BICRAL: variants seen among roughly 807,000 people sequenced by gnomAD.
BICRAL encodes BRD4-interacting chromatin-remodeling complex-associated protein-like.
A neutral mutation model predicts 91.8 loss-of-function variants in BICRAL; 8 were observed. That is an observed-to-expected ratio of 0.09 (90% confidence interval 0.05 to 0.16). BICRAL has a LOEUF of 0.16. Ranked by LOEUF, BICRAL falls within the 10% of genes least tolerant of loss-of-function variation. BICRAL has a pLI of 1.00. For missense variants in BICRAL, 1,038 were observed against 1,310.9 expected (o/e 0.79, Z 3.21); for synonymous variants, 445 against 491.1 (o/e 0.91, Z 1.24).
chr6:42,845,175 C>CTGTTTTT (rs1764958445), intron 6 of BICRAL, among the ~76,000 whole-genome samples: 1 of 78,956 alleles, frequency 1.3e-5, no homozygotes, highest in Non-Finnish European at 2.4e-5. Flanking sequence ...GCTGCCTTCT[C>CTGTTTTT]TGTTTTTTGT....
rs1232245289 is a variant in BICRAL at position 42,806,001 on chromosome 6, CA to C, written c.-101-4293del. On this transcript the variant is annotated intron_variant, in intron 1 of 12. Transcript: ENST00000314073. ...TGGGTGACAGAGTGAGACTCCATCT[CA>C]AAAAAAAAAAACGAAGGAAGAAGTA... is the stretch of plus-strand genomic sequence containing the variant. 1.7e-3 allele frequency among the ~76,000 whole-genome samples: 156 copies of C among 91,472 alleles called. 1 individual carries two copies. The highest frequency in any genetic ancestry group is 4.7e-3 in the Admixed American group (46 of 9,832). 60.0% of individuals were successfully genotyped at this position (91,472 alleles called of 152,430 possible).
chr6:42,796,403 A>G (rs1763414568), intron 1 of BICRAL, among the ~76,000 whole-genome samples: 1 of 152,178 alleles, frequency 6.6e-6, no homozygotes, highest in Non-Finnish European at 1.5e-5. Flanking sequence ...GGGCGTGGCA[A>G]GGTAGCAAGG....
At chr6:42,788,222 C>CT (rs11304715) in intron 1 of BICRAL, among the ~76,000 whole-genome samples, 37,501 of 113,318 alleles carry the variant, frequency 0.33, 6,606 homozygotes, top group South Asian at 0.46. Flanking sequence ...GAGCAGCATT[C>CT]TTTTTTTTTT....
intron 1 of BICRAL, among the ~76,000 whole-genome samples, chr6:42,800,794 T>C (rs1763545149): frequency 1.3e-5 from 2 of 152,338 alleles, no homozygotes; most frequent in South Asian, 4.1e-4. Flanking sequence ...ATTGACTTTG[T>C]AAAATGGAAT....
chr6:42,775,081 T>C (rs972145597), intron 1 of BICRAL, among the ~76,000 whole-genome samples: 2 of 152,076 alleles, frequency 1.3e-5, no homozygotes, highest in African/African-American at 4.8e-5. Context: ...TACAGGTGCA[T>C]GCCACCACAC....
At chr6:42,853,959 A>C (rs1765270369) in intron 8 of BICRAL, among the ~76,000 whole-genome samples, 1 of 152,316 alleles carries the variant, frequency 6.6e-6, no homozygotes, top group East Asian at 1.9e-4. Flanking sequence ...ACATGTTTAC[A>C]GTGCTTCATT....
intron 8 of BICRAL, 30 bp from the exon 9 acceptor site, chr6:42,855,826 G>T: frequency 6.4e-7 from 1 of 1,572,092 alleles, no homozygotes; most frequent in South Asian, 1.1e-5. Flanking sequence ...TCTATAAAAG[G>T]GAATAATAAG....
intron 1 of BICRAL, among the ~76,000 whole-genome samples, chr6:42,759,019 ATC>A (rs1237488990): frequency 2.0e-5 from 3 of 152,232 alleles, no homozygotes; most frequent in Non-Finnish European, 2.9e-5. Flanking sequence ...GCTCATTGAT[ATC>A]TCGTGGAGGC....
chr6:42,832,385 ATG>A (rs1418142620), intron 6 of BICRAL, among the ~76,000 whole-genome samples: 1 of 146,634 alleles, frequency 6.8e-6, no homozygotes, highest in Non-Finnish European at 1.5e-5. Context: ...ATATGTATGT[ATG>A]TATATATATA....
chr6:42,860,669 A>G (rs1351489943), intron 11 of BICRAL, among the ~76,000 whole-genome samples: 1 of 152,240 alleles, frequency 6.6e-6, no homozygotes, highest in African/African-American at 2.4e-5. Flanking sequence ...AGCCAGGATC[A>G]TCTGACCCCT....
At chr6:42,781,853 T>A (rs1762918588), upstream of BICRAL, 1 of 148,354 alleles carries the variant, frequency 6.7e-6, no homozygotes, top group African/African-American at 2.4e-5. Flanking sequence ...GAACCGAAGT[T>A]TGGAGGTAGA....
chr6:42,836,942 A>G (rs1764654735), intron 6 of BICRAL, among the ~76,000 whole-genome samples: 1 of 135,982 alleles, frequency 7.4e-6, no homozygotes, highest in Non-Finnish European at 1.6e-5. Flanking sequence ...TCTATGTAAT[A>G]TTTCTTTTCT....
At chr6:42,859,325 AAGGTTGCAGT>A (rs1474264328) in intron 10 of BICRAL, among the ~76,000 whole-genome samples, 1 of 151,476 alleles carries the variant, frequency 6.6e-6, no homozygotes, top group Non-Finnish European at 1.5e-5. Context: ...CCGGGAGGAG[AAGGTTGCAGT>A]GAGCTGAGAT....
At chr6:42,849,590 C>T (rs1415530694) in intron 6 of BICRAL, among the ~76,000 whole-genome samples, 1 of 151,892 alleles carries the variant, frequency 6.6e-6, no homozygotes, top group South Asian at 2.1e-4. Context: ...TAGGTGCCCA[C>T]CACCACGCCC....
Position 42,829,370 on chromosome 6 carries a change from C to T in BICRAL, c.1037C>T (p.Ser346Phe). The T allele has an allele frequency of 6.2e-7, 1 of 1,614,220 alleles. No homozygotes were observed. The highest frequency in any genetic ancestry group is 8.5e-7 in the Non-Finnish European group (1 of 1,180,040). Reference sequence around the variant, plus strand: ...GTACAACAAGGGATCTCTTTTGCTTCTGCAAGCTCACCCCAGGGCTCAGTA... The same window carrying T: ...GTACAACAAGGGATCTCTTTTGCTTTTGCAAGCTCACCCCAGGGCTCAGTA... The part of the protein sequence containing the change: ...HHVQQGISFA[S>F]ASSPQGSVVG... Residue 346 changes from serine to phenylalanine, a missense_variant, in exon 6 of 13, where the codon TCT (serine) becomes TTT (phenylalanine). Ser to Phe is a radical substitution (Grantham distance 155). Around this residue, in one of 5 missense-constraint regions of BICRAL, gnomAD observed 532 missense variants for 724.9 expected, o/e 0.73. Coordinates refer to ENST00000314073, the MANE Select transcript of BICRAL (RefSeq NM_001393499.1).
intron 2 of BICRAL, among the ~76,000 whole-genome samples, chr6:42,811,494 G>A (rs1047168105): frequency 1.3e-5 from 2 of 152,096 alleles, no homozygotes; most frequent in Non-Finnish European, 2.9e-5. Flanking sequence ...GGTGGCGCAC[G>A]CCTGTAATCC....
chr6:42,861,536 A>T (rs1360781269), intron 11 of BICRAL, among the ~76,000 whole-genome samples: 1 of 152,222 alleles, frequency 6.6e-6, no homozygotes, highest in African/African-American at 2.4e-5. Context: ...CTAAAATCAT[A>T]TAGGCTTTAA....
chr6:42,824,504 C>A (rs1004648523), intron 5 of BICRAL, among the ~76,000 whole-genome samples: 1 of 152,000 alleles, frequency 6.6e-6, no homozygotes, highest in African/African-American at 2.4e-5. Context: ...ACCACCACAC[C>A]AGCTAATTTT....
chr6:42,860,506 C>T (rs1765522660), intron 11 of BICRAL, 150 bp downstream of exon 11: 2 of 553,076 alleles, frequency 3.6e-6, no homozygotes, highest in Non-Finnish European at 6.5e-6. Context: ...GCTGCTACTA[C>T]AAAAACAGCA....
Sources: gnomAD v4.1 joint callset for allele counts (sites outside exome capture counted in the v4.1 genomes callset) on GRCh38, gnomAD v4.1.1 for gene constraint, gnomAD v4.1.1 regional missense constraint, MANE v1.5 for transcripts, NCBI Gene and HGNC (gene_info 2026-07-23, HGNC 2026-07-21) for gene names.